Variants in GOLGA1 observed in about 807,000 individuals in gnomAD.
The protein encoded by GOLGA1 is golgin subfamily A member 1.
Under a neutral mutation model 119.7 loss-of-function variants are expected in GOLGA1, and 63 were observed. The ratio of observed to expected loss-of-function variants is 0.53; its 90% CI spans 0.43 to 0.65. The LOEUF (loss-of-function observed/expected upper bound fraction) is 0.65, where lower values mean the gene tolerates loss of function less well. Among genes scored for constraint, GOLGA1 ranks in the 30% least tolerant of loss-of-function variants. The pLI, the probability that GOLGA1 is intolerant of heterozygous loss-of-function variation, is 0.00. For missense variants in GOLGA1, 798 were observed against 912.8 expected, an observed-to-expected ratio of 0.87 and a Z score of 1.62; for synonymous variants, 318 against 333.4, an observed-to-expected ratio of 0.95 and a Z score of 0.50.
intron 7 of GOLGA1, among the ~76,000 whole-genome samples, chr9:124,923,748 CAA>C (rs1373773882): frequency 6.6e-6 from 1 of 151,874 alleles, no homozygotes; most frequent in Non-Finnish European, 1.5e-5. Context: ...CTCAGCCTCT[CAA>C]AGTGTTGATA....
rs762668437 is a variant in GOLGA1, at chr9:124,889,245, C to G, written c.1659G>C (p.Arg553Ser). 32 of 1,613,936 alleles carry G rather than the reference C, an allele frequency of 2.0e-5. No homozygotes were observed. The highest frequency in any genetic ancestry group is 2.6e-5 in the Non-Finnish European group (31 of 1,179,992). ...HQLQAELEAL[R>S]TLKAEEAAVV... Reference sequence around the variant, plus strand: ...CTGCAGCCTCCTCCGCCTTGAGGGTCCTCAGGGCCTCCAGCTCGGCCTGCA... The same window carrying G: ...CTGCAGCCTCCTCCGCCTTGAGGGTGCTCAGGGCCTCCAGCTCGGCCTGCA... The change falls in exon 18 of 23, where the codon AGG becomes AGC. Residue 553 changes from arginine to serine, a missense_variant. Coordinates refer to ENST00000373555, the MANE Select transcript of GOLGA1 (RefSeq NM_002077.4).
chr9:124,904,023 A>G (rs1333525781), intron 12 of GOLGA1, among the ~76,000 whole-genome samples: 4 of 151,924 alleles, frequency 2.6e-5, no homozygotes, highest in Non-Finnish European at 5.9e-5. Flanking sequence ...AGATCGTGCC[A>G]CTGCACTCCA....
intron 6 of GOLGA1, among the ~76,000 whole-genome samples, chr9:124,927,385 C>T (rs1055730451): frequency 4.6e-4 from 70 of 152,246 alleles, no homozygotes; most frequent in African/African-American, 1.6e-3. Context: ...CATTTATATA[C>T]ATTCATACCA....
intron 19 of GOLGA1, among the ~76,000 whole-genome samples, chr9:124,886,483 G>C (rs912533722): frequency 6.6e-6 from 1 of 152,196 alleles, no homozygotes; most frequent in Non-Finnish European, 1.5e-5. Flanking sequence ...AGCTTGACAA[G>C]AGTGTTTTTC....
chr9:124,910,785 T>G (rs1053282454), intron 11 of GOLGA1, among the ~76,000 whole-genome samples: 1 of 152,136 alleles, frequency 6.6e-6, no homozygotes, highest in Non-Finnish European at 1.5e-5. Flanking sequence ...AACCCTATTG[T>G]GAACTGTGCA....
chr9:124,890,882 C>T (rs1214900713), intron 15 of GOLGA1, among the ~76,000 whole-genome samples: 2 of 152,074 alleles, frequency 1.3e-5, no homozygotes, highest in South Asian at 2.1e-4. Flanking sequence ...TGACCAGGGA[C>T]GGTGGCTCAC....
At chr9:124,887,710 T>TTC (rs1409450305) in intron 19 of GOLGA1, among the ~76,000 whole-genome samples, 1 of 152,088 alleles carries the variant, frequency 6.6e-6, no homozygotes, top group Admixed American at 6.6e-5. Context: ...ACAGGACACT[T>TTC]TAAGAACCAG....
chr9:124,905,934 A>C (rs888063962), intron 12 of GOLGA1, among the ~76,000 whole-genome samples: 4 of 150,956 alleles, frequency 2.6e-5, no homozygotes, highest in Non-Finnish European at 5.9e-5. Context: ...CCAACATGAC[A>C]AAACCCCGTC....
chr9:124,893,476 T>C (rs889659658), intron 15 of GOLGA1, among the ~76,000 whole-genome samples: 1 of 152,170 alleles, frequency 6.6e-6, no homozygotes, highest in African/African-American at 2.4e-5. Flanking sequence ...ATTTTGTTTT[T>C]TCTAGTCACC....
Position 124,938,859 on chromosome 9 carries a change from C to T in GOLGA1, c.-148G>A, listed in dbSNP as rs1276092700. 4 of 554,092 alleles carry T rather than the reference C, an allele frequency of 7.2e-6. No homozygotes were observed. In the South Asian group the frequency reaches 8.9e-5, roughly 12 times the overall value. 34.3% of individuals were successfully genotyped at this position (554,092 alleles called of 1,614,324 possible). On this transcript the variant is annotated 5_prime_UTR_variant, in exon 3 of 23. Coordinates refer to ENST00000373555, the MANE Select transcript of GOLGA1 (RefSeq NM_002077.4). ...AATGTGGGCCAAGGGCTTATGGCAACACAGGATCTACAAATCAGATGAAAG... is the reference window on the plus strand; with the variant it reads ...AATGTGGGCCAAGGGCTTATGGCAATACAGGATCTACAAATCAGATGAAAG...
At chr9:124,900,389 C>G in intron 13 of GOLGA1, 63 bp downstream of exon 13, 1 of 861,082 alleles carries the variant, frequency 1.2e-6, no homozygotes, top group Non-Finnish European at 2.0e-6. Flanking sequence ...TTTGGAGCAT[C>G]TGCAAAGGCC....
rs1194516129 is a variant in GOLGA1, at chr9:124,916,909, C to CA, written c.843+4219dup. ...AAAAAAAAAAAAAAAAAAACGAAAA[C>CA]AAAAAAAAAACCCACCATCGACAAA... is the stretch of plus-strand genomic sequence containing the variant. On this transcript the variant is annotated intron_variant, in intron 10 of 22. Transcript: ENST00000373555. 6.6e-3 allele frequency among the ~76,000 whole-genome samples: 508 copies of CA among 76,550 alleles called. 10 individuals are homozygous for CA. In the East Asian group the frequency reaches 0.076, roughly 11 times the overall value. 50.2% of individuals were successfully genotyped at this position (76,550 alleles called of 152,430 possible). A position where few individuals can be genotyped will look rare whatever the true frequency, so the allele number is the denominator to read the frequency against.
chr9:124,913,101 G>T (rs1039652158), intron 10 of GOLGA1, among the ~76,000 whole-genome samples: 1 of 152,152 alleles, frequency 6.6e-6, no homozygotes, highest in Non-Finnish European at 1.5e-5. Context: ...ACGGTGGCAG[G>T]ATAGAGCAAG....
chr9:124,920,961 G>C (rs981308821), intron 10 of GOLGA1, among the ~76,000 whole-genome samples, 168 bp downstream of exon 10: 5 of 152,102 alleles, frequency 3.3e-5, no homozygotes, highest in African/African-American at 1.2e-4. Flanking sequence ...CCCTTGTTCA[G>C]CTGTATGGCC....
rs1401108420 is a variant in GOLGA1, at chr9:124,899,488, G to C, written c.1162-10C>G. 3.9e-6 allele frequency: 6 copies of C among 1,542,516 alleles called. No homozygotes were observed. In the Admixed American group the frequency reaches 1.2e-4, roughly 30 times the overall value. On this transcript the variant is annotated splice_polypyrimidine_tract_variant and intron_variant, in intron 13 of 22. Transcript: ENST00000373555. ...CCTGGTTGGCGGCAGCCTGCGGGGA[G>C]ACCAAAGGACGGTCAGTCAGGGTGA...
intron 19 of GOLGA1, among the ~76,000 whole-genome samples, chr9:124,886,343 G>A (rs898247062): frequency 6.6e-6 from 1 of 152,204 alleles, no homozygotes; most frequent in African/African-American, 2.4e-5. Context: ...CAGAGGAGAC[G>A]GAGAAGGAGC....
intron 10 of GOLGA1, among the ~76,000 whole-genome samples, chr9:124,916,877 C>CAAAAAAAAAAAAAAAAAAAAAA (rs71494043): frequency 1.7e-4 from 7 of 41,214 alleles, no homozygotes; most frequent in Admixed American, 4.1e-4. Context: ...CCCTGACACA[C>CAAAAAAAAAAAAAAAAAAAAAA]AAAAAAAAAA....
chr9:124,927,369 T>C (rs1429124942), intron 6 of GOLGA1, among the ~76,000 whole-genome samples: 3 of 152,208 alleles, frequency 2.0e-5, no homozygotes, highest in Non-Finnish European at 4.4e-5. Context: ...TTTTAGATTA[T>C]TTCTTCATTT....
chr9:124,942,331 A>C (rs1410983122), upstream of GOLGA1, among the ~76,000 whole-genome samples: 1 of 152,204 alleles, frequency 6.6e-6, no homozygotes, highest in Non-Finnish European at 1.5e-5. Context: ...CGTCAATGCC[A>C]AGCCAGCCAT....
Sources: gnomAD v4.1 joint callset for allele counts (sites outside exome capture counted in the v4.1 genomes callset) on GRCh38, gnomAD v4.1.1 for gene constraint, MANE v1.5 for transcripts, NCBI Gene and HGNC (gene_info 2026-07-23, HGNC 2026-07-21) for gene names.